MAN2A2: variants seen among roughly 807,000 people sequenced by gnomAD.
The protein encoded by MAN2A2 is mannosidase alpha class 2A member 2, also known as alpha-mannosidase 2x.
A neutral mutation model predicts 126.8 loss-of-function variants in MAN2A2; 79 were observed. The observed-to-expected ratio is 0.62, with a 90% CI of 0.52 to 0.75. The LOEUF (loss-of-function observed/expected upper bound fraction) is 0.75. Ranked by LOEUF, MAN2A2 falls within the 30% of genes least tolerant of loss-of-function variation. The pLI is 0.00. For synonymous variants in MAN2A2, 671 were observed against 618.7 expected (o/e 1.08, Z -1.25); for missense variants, 1,392 against 1,522.4 (o/e 0.91, Z 1.43).
chr15:90,903,935 C>G lies in MAN2A2; in HGVS notation c.-18-255C>G, dbSNP rs549500616. The G allele has an allele frequency of 3.6e-4, 178 of 497,052 alleles. 1 individual carries two copies. Among genetic ancestry groups the G allele is most frequent in the African/African-American group, 3.1e-3 (161 of 51,712 alleles). 30.8% of individuals were successfully genotyped at this position (497,052 alleles called of 1,614,324 possible). On this transcript the variant is annotated intron_variant, in intron 1 of 22. Coordinates refer to ENST00000559717, the MANE Select transcript of MAN2A2 (RefSeq NM_006122.4). The stretch of plus-strand genomic sequence containing the variant: ...AATCAGGAGCTTGTGTGGTGCGCTC[C>G]AGTCGGAGCTGGGACTCTTATCCTG...
rs747411432 is a variant in MAN2A2 at position 90,912,555 on chromosome 15, T to C, written c.2360T>C (p.Val787Ala). The C allele has an allele frequency of 1.9e-6, 3 of 1,613,452 alleles. No individual in the cohort carries two copies. The highest frequency in any genetic ancestry group is 1.1e-5 in the South Asian group (1 of 91,032). ...GTTTTTTGGCAGAGCATCCGAAGGG[T>C]GGATGAGGAGCACGAGCAGCAGGTG... is the stretch of plus-strand genomic sequence containing the variant. Reference protein sequence around the residue: ...LTGLLKSIRRVDEEHEQQVDM... With the variant: ...LTGLLKSIRRADEEHEQQVDM... Residue 787 changes from valine (V) to alanine (A), a missense_variant, in exon 16 of 23, where the codon GTG becomes GCG. By Grantham distance (64) the Val-to-Ala change is moderately conservative. Coordinates refer to ENST00000559717, the MANE Select transcript of MAN2A2 (RefSeq NM_006122.4).
intron 2 of MAN2A2, among the ~76,000 whole-genome samples, chr15:90,904,869 A>G (rs2034140327): frequency 6.6e-6 from 1 of 152,232 alleles, no homozygotes; most frequent in Non-Finnish European, 1.5e-5. Context: ...TGCTGGGATT[A>G]CAGGTGTGGG....
chr15:90,916,076 C>G, intron 19 of MAN2A2, 47 bp from the exon 20 acceptor site: 1 of 1,599,804 alleles, frequency 6.3e-7, no homozygotes, highest in Non-Finnish European at 8.5e-7. Flanking sequence ...AGGTCAGTGC[C>G]TGCTTGGGGG....
chr15:90,913,503 G>A (rs1421962681), intron 18 of MAN2A2, 97 bp downstream of exon 18: 8 of 1,566,798 alleles, frequency 5.1e-6, no homozygotes, highest in South Asian at 1.2e-5. Flanking sequence ...CTGCCCTGAT[G>A]GAGAAAGATG....
intron 10 of MAN2A2, 43 bp downstream of exon 10, chr15:90,910,335 G>C (rs1277338179): frequency 6.2e-7 from 1 of 1,608,522 alleles, no homozygotes; most frequent in African/African-American, 1.3e-5. Flanking sequence ...GGGAGAGTCA[G>C]CCTTTGGGGT....
rs747822652 is a variant in MAN2A2 at position 90,907,542 on chromosome 15, G to A, written c.1196+47G>A. Reference sequence around the variant, plus strand: ...ACTTCACAGAGGAATCGGGAGGCCTGGCTCTGGTCTGGGCCGTGCCACGTG... The same window carrying A: ...ACTTCACAGAGGAATCGGGAGGCCTAGCTCTGGTCTGGGCCGTGCCACGTG... On this transcript the variant is annotated intron_variant, in intron 8 of 22. Transcript: ENST00000559717. 11 of 1,573,822 alleles carry A rather than the reference G, an allele frequency of 7.0e-6. No homozygotes were observed. In the South Asian group the frequency reaches 1.2e-4, roughly 18 times the overall value.
rs2034674475 is a variant in MAN2A2 at position 90,910,889 on chromosome 15, T to C, written c.1803T>C (p.His601=). ...TCAACCTGAAGCAGGTCATCATTCA[T>C]GCAGCCCACTATCTGGTGCTGGGGG... ...SLVNLKQVII[H]AAHYLVLGDK... Residue 601 remains histidine, a synonymous_variant, in exon 12 of 23, where the codon CAT becomes CAC. Transcript: ENST00000559717. 6.2e-7 allele frequency: 1 copy of C among 1,614,180 alleles called. No individual in the cohort carries two copies. Among genetic ancestry groups the C allele is most frequent in the Non-Finnish European group, 8.5e-7 (1 of 1,180,032 alleles).
chr15:90,913,220 G>T, intron 17 of MAN2A2, 53 bp from the exon 18 acceptor site: 1 of 1,598,842 alleles, frequency 6.3e-7, no homozygotes, highest in Non-Finnish European at 8.5e-7. Flanking sequence ...CAGCCTCTTA[G>T]CTGTGCTTCA....
rs1339893696 is a variant in MAN2A2, at chr15:90,904,215, T to G, written c.8T>G (p.Leu3Arg). 3 of 1,614,072 alleles carry G rather than the reference T, an allele frequency of 1.9e-6. No homozygotes were observed. The Admixed American group carries it at 5.0e-5, about 27-fold the overall frequency. The change falls in exon 2 of 23, where the codon CTG becomes CGG. Residue 3 changes from leucine (L) to arginine (R), a missense_variant. Leu to Arg is a moderately radical substitution (Grantham distance 102). Coordinates refer to ENST00000559717, the MANE Select transcript of MAN2A2 (RefSeq NM_006122.4). ...GTGTGTGTGGAGGCCAGTATGAAGC[T>G]GAAAAAGCAGGTGACAGTGTGTGGG... is the stretch of plus-strand genomic sequence containing the variant. Reference protein sequence around the residue: MKLKKQVTVCGAA... With the variant: MKRKKQVTVCGAA...
chr15:90,911,687 G>A (rs2034758564), intron 14 of MAN2A2, 137 bp downstream of exon 14: 2 of 1,004,336 alleles, frequency 2.0e-6, no homozygotes, highest in Admixed American at 2.8e-5. Context: ...CTGGGGAGGG[G>A]GTTGTCCAGA....
chr15:90,909,605 CTTTT>C (rs147151470), intron 9 of MAN2A2, 101 bp downstream of exon 9: 632 of 846,736 alleles, frequency 7.5e-4, no homozygotes, highest in Middle Eastern at 1.5e-3. Context: ...GGGTGCCCCC[CTTTT>C]TTTTTTTTTT....
chr15:90,913,530 T>A (rs1224850891), intron 18 of MAN2A2, 84 bp from the exon 19 acceptor site: 19 of 1,564,688 alleles, frequency 1.2e-5, no homozygotes, highest in Non-Finnish European at 1.6e-5. Flanking sequence ...AGGCGAAGAG[T>A]TATCGGGGAC....
intron 8 of MAN2A2, among the ~76,000 whole-genome samples, chr15:90,908,400 A>T (rs1285548617): frequency 6.6e-6 from 1 of 152,246 alleles, no homozygotes; most frequent in Non-Finnish European, 1.5e-5. Context: ...TATTTATAAC[A>T]TGCCAATTAA....
chr15:90,911,753 T>C (rs2034763567), intron 14 of MAN2A2: 3 of 629,072 alleles, frequency 4.8e-6, no homozygotes, highest in South Asian at 4.0e-5. Context: ...AAGGTTGGTA[T>C]GGTAATAGTA....
In MAN2A2 at chr15:90,911,562, G is replaced by T. The variant is rs371549362; in HGVS notation, c.2109+12G>T. 2 of 1,602,282 alleles carry T rather than the reference G, an allele frequency of 1.2e-6. No individual in the cohort carries two copies. The highest frequency in any genetic ancestry group is 1.1e-5 in the South Asian group (1 of 90,710). On this transcript the variant is annotated intron_variant, in intron 14 of 22. Transcript: ENST00000559717. ...CTGACGTCTACCAGGTGAGGTGTGG[G>T]CTTGTCAGGTGGGCCTGGCCCTCTG...
Position 90,906,969 on chromosome 15 carries a change from G to A in MAN2A2, c.1009+56G>A. 8.2e-6 allele frequency: 13 copies of A among 1,587,912 alleles called. No homozygotes were observed. The South Asian group carries it at 1.4e-4, about 18-fold the overall frequency. Reference sequence around the variant, plus strand: ...GCAGCATAGTCTTCACTGGGGAACAGCAGGGATATCAGAACTAAGACCCCC... The same window carrying A: ...GCAGCATAGTCTTCACTGGGGAACAACAGGGATATCAGAACTAAGACCCCC... On this transcript the variant is annotated intron_variant, in intron 7 of 22. Transcript: ENST00000559717.
At chr15:90,913,779 C>T (rs753992534) in intron 19 of MAN2A2, 24 bp downstream of exon 19, 55 of 1,563,308 alleles carry the variant, frequency 3.5e-5, no homozygotes, top group South Asian at 1.2e-5. Context: ...AGGAGTTCTG[C>T]AGAGGGTATC....
chr15:90,906,934 G>C, intron 7 of MAN2A2, 21 bp downstream of exon 7: 1 of 1,612,368 alleles, frequency 6.2e-7, no homozygotes, highest in Admixed American at 1.7e-5. Flanking sequence ...GTAGGGTAGA[G>C]GGGGTTACTG....
intron 7 of MAN2A2, 171 bp from the exon 8 acceptor site, chr15:90,907,138 C>T (rs1055350477): frequency 4.9e-6 from 4 of 824,048 alleles, no homozygotes; most frequent in African/African-American, 3.4e-5. Flanking sequence ...TGTGCCCGTC[C>T]CCTGAGGGAG....
Sources: allele counts gnomAD v4.1 joint callset (sites outside exome capture counted in the v4.1 genomes callset), GRCh38; gene constraint gnomAD v4.1.1; transcripts MANE v1.5; gene names NCBI Gene and HGNC (gene_info 2026-07-23, HGNC 2026-07-21).